The following CACNA2D1 variants were observed in gnomAD, a reference collection of about 807,000 sequenced individuals.
The protein encoded by CACNA2D1 is calcium voltage-gated channel auxiliary subunit alpha2delta 1, also known as voltage-dependent calcium channel subunit alpha-2/delta-1.
A neutral mutation model predicts 171.5 loss-of-function variants in CACNA2D1; 53 were observed. That is an observed-to-expected ratio of 0.31 (90% CI 0.25 to 0.39). The LOEUF (loss-of-function observed/expected upper bound fraction) is 0.39. CACNA2D1 is among the 10% of genes least tolerant of loss of function. The pLI is 1.00. For missense variants in CACNA2D1, 903 were observed against 1,299.8 expected, an observed-to-expected ratio of 0.69 and a Z score of 4.69; for synonymous variants, 442 against 443.1, an observed-to-expected ratio of 1.00 and a Z score of 0.03.
At chr7:82,095,846 C>A (rs1811796217) in intron 6 of CACNA2D1, among the ~76,000 whole-genome samples, 1 of 152,310 alleles carries the variant, frequency 6.6e-6, no homozygotes, top group Middle Eastern at 3.4e-3. Flanking sequence ...AGAGAGATTT[C>A]ATCCATTCAA....
At chr7:82,431,913 C>T (rs892132660) in intron 1 of CACNA2D1, among the ~76,000 whole-genome samples, 2 of 151,696 alleles carry the variant, frequency 1.3e-5, no homozygotes, top group Admixed American at 6.6e-5. Flanking sequence ...TGGCACGCAC[C>T]TGTAATCCCA....
At chr7:82,259,221 TAAATAGAC>T (rs1206151681) in intron 3 of CACNA2D1, among the ~76,000 whole-genome samples, 1 of 72,174 alleles carries the variant, frequency 1.4e-5, no homozygotes, top group Non-Finnish European at 2.6e-5. Flanking sequence ...AGATGAGAGA[TAAATAGAC>T]AGACAGACAG....
At chr7:82,214,219 G>T (rs1235466089) in intron 3 of CACNA2D1, among the ~76,000 whole-genome samples, 1 of 152,052 alleles carries the variant, frequency 6.6e-6, no homozygotes, top group African/African-American at 2.4e-5. Flanking sequence ...TTGCAACACT[G>T]GAAAAATTCC....
intron 3 of CACNA2D1, among the ~76,000 whole-genome samples, chr7:82,291,071 G>A (rs1317501267): frequency 6.9e-6 from 1 of 143,976 alleles, no homozygotes; most frequent in African/African-American, 2.5e-5. Flanking sequence ...AAACTCCTGG[G>A]CTTAATGGAT....
intron 18 of CACNA2D1, among the ~76,000 whole-genome samples, chr7:82,002,021 C>CAAAAAAAAAAAAAA (rs35861959): frequency 1.1e-5 from 1 of 89,436 alleles, no homozygotes; most frequent in Admixed American, 1.3e-4. Flanking sequence ...ATTGATTTGA[C>CAAAAAAAAAAAAAA]AAAAAAAAAA....
At chr7:81,973,369 G>T (rs1795492338) in intron 25 of CACNA2D1, among the ~76,000 whole-genome samples, 1 of 152,056 alleles carries the variant, frequency 6.6e-6, no homozygotes, top group South Asian at 2.1e-4. Context: ...CCCATGACAG[G>T]TTTTCAGAGT....
At chr7:82,294,086 G>T (rs978923927) in intron 3 of CACNA2D1, among the ~76,000 whole-genome samples, 6 of 152,090 alleles carry the variant, frequency 3.9e-5, no homozygotes, top group African/African-American at 1.4e-4. Context: ...TGGGGCATTT[G>T]AAAGAAAATA....
rs565804408 is a variant in CACNA2D1 at position 81,953,884 on chromosome 7, T to TCA, written c.3160-3377_3160-3376insTG. Among the ~76,000 whole-genome samples the TCA allele has an allele frequency of 1.3e-3, 199 of 152,282 alleles. 3 individuals carry two copies. The highest frequency in any genetic ancestry group is 7.5e-3 in the East Asian group (39 of 5,176). On this transcript the variant is annotated intron_variant, in intron 38 of 38. Transcript: ENST00000356860. ...GGCCCTTATTTCACTGTTTTTATTT[T>TCA]TATATATAATTTTTGTTTAATTTCC...
chr7:82,348,489 G>C (rs1232461700), intron 2 of CACNA2D1, among the ~76,000 whole-genome samples: 3 of 152,038 alleles, frequency 2.0e-5, no homozygotes, highest in Non-Finnish European at 2.9e-5. Flanking sequence ...ATAATACACT[G>C]ACTAGAATTA....
At chr7:81,951,056 T>C (rs948570388) in intron 38 of CACNA2D1, among the ~76,000 whole-genome samples, 2 of 152,024 alleles carry the variant, frequency 1.3e-5, no homozygotes, top group Non-Finnish European at 2.9e-5. Context: ...ATTTGAACCA[T>C]TGTTTATGTT....
intron 3 of CACNA2D1, among the ~76,000 whole-genome samples, chr7:82,302,574 C>T (rs1175151474): frequency 1.3e-5 from 2 of 151,918 alleles, no homozygotes; most frequent in African/African-American, 2.4e-5. Flanking sequence ...CCACCACACC[C>T]GGGTAATTTT....
At chr7:82,205,307 GTTTC>G (rs1307545976) in intron 3 of CACNA2D1, among the ~76,000 whole-genome samples, 1 of 152,050 alleles carries the variant, frequency 6.6e-6, no homozygotes, top group East Asian at 1.9e-4. Context: ...TTTGCAATGT[GTTTC>G]TTTATATATT....
At chr7:82,415,998 T>C (rs1032185013) in intron 1 of CACNA2D1, among the ~76,000 whole-genome samples, 1 of 152,010 alleles carries the variant, frequency 6.6e-6, no homozygotes, top group Non-Finnish European at 1.5e-5. Context: ...GTGGATTGCT[T>C]GAGGTCAAGA....
At chr7:82,242,865 T>C (rs38546) in intron 3 of CACNA2D1, among the ~76,000 whole-genome samples, 40,547 of 151,940 alleles carry the variant, frequency 0.27, 6,434 homozygotes, top group Non-Finnish European at 0.36. Flanking sequence ...AAAAAATGTA[T>C]TTTGTTTACA....
At chr7:82,076,550 T>C (rs1235892373) in intron 7 of CACNA2D1, among the ~76,000 whole-genome samples, 1 of 152,182 alleles carries the variant, frequency 6.6e-6, no homozygotes, top group Non-Finnish European at 1.5e-5. Context: ...GATATCATCA[T>C]TTCTATTTAA....
intron 4 of CACNA2D1, among the ~76,000 whole-genome samples, chr7:82,169,322 G>A (rs73387966): frequency 6.6e-6 from 1 of 151,772 alleles, no homozygotes; most frequent in African/African-American, 2.4e-5. Flanking sequence ...TATGATAAAG[G>A]TTGTAGACAA....
In CACNA2D1 at chr7:82,443,690, G is replaced by A. The variant is rs1183617926; in HGVS notation, c.-231C>T. ...CCCACTAGCGTGCGTCGGCTGCTCC[G>A]CGCCGCGGCCGCCTTGCCTCCGCCG... On this transcript the variant is annotated 5_prime_UTR_variant, in exon 1 of 39. Transcript: ENST00000356860. 2 of 1,236,778 alleles carry A rather than the reference G, an allele frequency of 1.6e-6. No homozygotes were observed. The highest frequency in any genetic ancestry group is 1.6e-5 in the African/African-American group (1 of 64,262). The allele number at this position is 1,236,778 out of a possible 1,614,324, so 76.6% of individuals were successfully genotyped here.
chr7:82,211,679 T>G (rs982477692), intron 3 of CACNA2D1, among the ~76,000 whole-genome samples: 1 of 152,182 alleles, frequency 6.6e-6, no homozygotes, highest in Non-Finnish European at 1.5e-5. Flanking sequence ...TACAAGTGCA[T>G]GTGTTTTTTG....
intron 38 of CACNA2D1, among the ~76,000 whole-genome samples, chr7:81,955,430 AAAT>A (rs1201672149): frequency 2.0e-5 from 3 of 152,180 alleles, no homozygotes; most frequent in Non-Finnish European, 4.4e-5. Context: ...GTTTCAGAGA[AAAT>A]AATACTTCCT....
Sources: gnomAD v4.1 joint callset for allele counts (sites outside exome capture counted in the v4.1 genomes callset) on GRCh38, gnomAD v4.1.1 for gene constraint, MANE v1.5 for transcripts, NCBI Gene and HGNC (gene_info 2026-07-23, HGNC 2026-07-21) for gene names.